Variants in NPAS3 observed in about 807,000 individuals in gnomAD.
The protein encoded by NPAS3 is neuronal PAS domain-containing protein 3.
NPAS3 carries 14 observed loss-of-function variants against 73.1 expected under a neutral mutation model. The observed-to-expected ratio is 0.19, with a 90% confidence interval of 0.13 to 0.30. The LOEUF is 0.30. Among genes scored for constraint, NPAS3 ranks in the 10% least tolerant of loss-of-function variants. NPAS3 has a pLI of 1.00. For synonymous variants in NPAS3, 620 were observed against 541.5 expected (o/e 1.14, Z -2.01); for missense variants, 1,096 against 1,250.0 (o/e 0.88, Z 1.86).
intron 4 of NPAS3, among the ~76,000 whole-genome samples, chr14:33,453,605 G>A (rs1369744809): frequency 3.3e-5 from 5 of 152,130 alleles, no homozygotes; most frequent in Non-Finnish European, 5.9e-5. Flanking sequence ...CACAAATTCA[G>A]CAACATAAAA....
chr14:33,755,923 TAACA>T (rs1292176131), intron 7 of NPAS3, among the ~76,000 whole-genome samples: 1 of 152,014 alleles, frequency 6.6e-6, no homozygotes, highest in Non-Finnish European at 1.5e-5. Context: ...GCCAGGTCTT[TAACA>T]ACCAGCTCTC....
chr14:33,411,160 T>A (rs1467791573), intron 4 of NPAS3, among the ~76,000 whole-genome samples: 1 of 152,136 alleles, frequency 6.6e-6, no homozygotes, highest in East Asian at 1.9e-4. Context: ...AGGAGACATT[T>A]GGCAATGTCT....
intron 7 of NPAS3, among the ~76,000 whole-genome samples, chr14:33,760,635 G>C (rs2062254334): frequency 6.6e-6 from 1 of 151,946 alleles, no homozygotes; most frequent in South Asian, 2.1e-4. Flanking sequence ...TATCGTGGGT[G>C]AGTGGGGTCA....
At chr14:33,485,364 G>A (rs911012037) in intron 4 of NPAS3, among the ~76,000 whole-genome samples, 1 of 152,044 alleles carries the variant, frequency 6.6e-6, no homozygotes, top group Non-Finnish European at 1.5e-5. Flanking sequence ...CATTTAAGTC[G>A]GTGCTTGCCT....
chr14:33,254,891 A>G (rs1484053185), intron 3 of NPAS3, among the ~76,000 whole-genome samples: 1 of 152,102 alleles, frequency 6.6e-6, no homozygotes, highest in African/African-American at 2.4e-5. Context: ...GTGAAAATCT[A>G]TGGAAATATA....
chr14:33,090,809 G>C (rs1019832758), intron 2 of NPAS3, among the ~76,000 whole-genome samples: 1 of 152,194 alleles, frequency 6.6e-6, no homozygotes, highest in Non-Finnish European at 1.5e-5. Flanking sequence ...TCAGACCACT[G>C]TGCCATCAAA....
intron 4 of NPAS3, among the ~76,000 whole-genome samples, chr14:33,552,935 G>A (rs2055187222): frequency 6.6e-6 from 1 of 152,194 alleles, no homozygotes; most frequent in South Asian, 2.1e-4. Context: ...CCACATGTGT[G>A]CACAGCAGAT....
At chr14:33,541,628 T>A (rs2054524425) in intron 4 of NPAS3, among the ~76,000 whole-genome samples, 1 of 152,154 alleles carries the variant, frequency 6.6e-6, no homozygotes, top group South Asian at 2.1e-4. Context: ...GTCTCTAAAA[T>A]GGGAAGAGTG....
At chr14:33,696,286 C>G (rs2060376671) in intron 6 of NPAS3, among the ~76,000 whole-genome samples, 1 of 152,186 alleles carries the variant, frequency 6.6e-6, no homozygotes, top group Non-Finnish European at 1.5e-5. Flanking sequence ...AAAAAGAACC[C>G]TGGACTAGAA....
intron 1 of NPAS3, among the ~76,000 whole-genome samples, chr14:33,051,251 G>C (rs1170661617): frequency 2.2e-5 from 3 of 139,294 alleles, no homozygotes; most frequent in Admixed American, 7.6e-5. Flanking sequence ...TCCGCAGTCC[G>C]GCCTGGGCAA....
chr14:33,778,541 C>T lies in NPAS3; in HGVS notation c.1122C>T (p.Asp374=), dbSNP rs147070037. 3,034 of 1,613,670 alleles carry T rather than the reference C, an allele frequency of 1.9e-3. 9 individuals carry two copies. Among genetic ancestry groups the T allele is most frequent in the Non-Finnish European group, 2.3e-3 (2,736 of 1,179,622 alleles). The change falls in exon 9 of 12, where the codon GAC becomes GAT. Residue 374 remains aspartate, a synonymous_variant. Coordinates refer to ENST00000356141, the Ensembl canonical transcript of NPAS3. ...GCTACCACTTCATCCATGCTGAAGACGTGGAGGGCATCAGGCACAGTCACT... is the reference window on the plus strand; with the variant it reads ...GCTACCACTTCATCCATGCTGAAGATGTGGAGGGCATCAGGCACAGTCACT...
At chr14:33,078,530 A>AC (rs1289952543) in intron 2 of NPAS3, among the ~76,000 whole-genome samples, 7 of 39,108 alleles carry the variant, frequency 1.8e-4, no homozygotes, top group Non-Finnish European at 2.9e-4. Flanking sequence ...CAAAAACAAA[A>AC]CCAAAAAAAA....
chr14:33,544,777 A>ATG (rs2054704180), intron 4 of NPAS3, among the ~76,000 whole-genome samples: 2 of 100,134 alleles, frequency 2.0e-5, no homozygotes, highest in African/African-American at 6.4e-5. Context: ...GTATGTGTTT[A>ATG]TGTGTGTGTA....
intron 2 of NPAS3, among the ~76,000 whole-genome samples, chr14:33,099,546 G>C (rs192332613): frequency 6.6e-6 from 1 of 152,208 alleles, no homozygotes; most frequent in East Asian, 1.9e-4. Context: ...AACATGCTTT[G>C]TATAAGGTAA....
intron 2 of NPAS3, among the ~76,000 whole-genome samples, chr14:33,144,404 A>C (rs570556645): frequency 6.6e-6 from 1 of 152,182 alleles, no homozygotes; most frequent in Non-Finnish European, 1.5e-5. Flanking sequence ...ACAATTTTTA[A>C]ATTTTGATAT....
intron 1 of NPAS3, among the ~76,000 whole-genome samples, chr14:33,027,048 G>T (rs1397063323): frequency 1.3e-5 from 2 of 152,130 alleles, no homozygotes; most frequent in Non-Finnish European, 2.9e-5. Context: ...TTCCTGCCTG[G>T]TAAGTGTATC....
intron 7 of NPAS3, among the ~76,000 whole-genome samples, chr14:33,763,958 T>TA (rs372997447): frequency 8.6e-5 from 13 of 150,912 alleles, no homozygotes; most frequent in South Asian, 2.1e-4. Flanking sequence ...ATGGCTTCTT[T>TA]AAAAAAAAAA....
intron 5 of NPAS3, among the ~76,000 whole-genome samples, chr14:33,667,097 G>A (rs1390920441): frequency 1.3e-5 from 2 of 152,140 alleles, no homozygotes; most frequent in African/African-American, 4.8e-5. Flanking sequence ...ATTTTAACAT[G>A]CAATCAGTAT....
intron 4 of NPAS3, among the ~76,000 whole-genome samples, chr14:33,383,785 C>A (rs1303189556): frequency 6.6e-6 from 1 of 152,106 alleles, no homozygotes; most frequent in Non-Finnish European, 1.5e-5. Flanking sequence ...TCTAACATTT[C>A]TAGTGAATGT....
Sources: allele counts gnomAD v4.1 joint callset (sites outside exome capture counted in the v4.1 genomes callset), GRCh38; gene constraint gnomAD v4.1.1; transcripts MANE v1.5; gene names NCBI Gene and HGNC (gene_info 2026-07-23, HGNC 2026-07-21).